The following NCOR2 variants were observed in gnomAD, a reference collection of about 807,000 sequenced individuals.
The protein encoded by NCOR2 is CTG repeat protein 26.
A neutral mutation model predicts 262.9 loss-of-function variants in NCOR2; 81 were observed. That is an observed-to-expected ratio of 0.31 (90% CI 0.26 to 0.37). The LOEUF is 0.37. NCOR2 is among the 10% of genes least tolerant of loss of function. NCOR2 has a pLI of 1.00. For synonymous variants in NCOR2, 1,659 were observed against 1,559.3 expected (o/e 1.06, Z -1.51); for missense variants, 3,385 against 3,621.4 (o/e 0.93, Z 1.68).
intron 2 of NCOR2, 189 bp downstream of exon 4, chr12:124,486,252 G>A (rs1166254445): frequency 8.7e-6 from 7 of 808,332 alleles, no homozygotes; most frequent in East Asian, 3.5e-5. Flanking sequence ...TGAGGGCCAC[G>A]TGGCTCTTCC....
intron 7 of NCOR2, among the ~76,000 whole-genome samples, chr12:124,442,630 C>T (rs963923612): frequency 6.6e-6 from 1 of 152,164 alleles, no homozygotes; most frequent in East Asian, 1.9e-4. Context: ...TTTGAAACAC[C>T]GTGGTGAAGA....
At chr12:124,407,002 C>CA (rs145370302) in intron 13 of NCOR2, among the ~76,000 whole-genome samples, 112 of 152,356 alleles carry the variant, frequency 7.4e-4, no homozygotes, top group African/African-American at 2.4e-3. Flanking sequence ...GATGAGAATG[C>CA]AAAGACAGAG....
At chr12:124,408,501 C>T (rs1285980504) in intron 13 of NCOR2, among the ~76,000 whole-genome samples, 1 of 152,144 alleles carries the variant, frequency 6.6e-6, no homozygotes, top group Non-Finnish European at 1.5e-5. Context: ...AATCTCAGTG[C>T]TTTGGGAGGG....
chr12:124,384,865 G>A (rs890528320), intron 17 of NCOR2, among the ~76,000 whole-genome samples: 2 of 152,112 alleles, frequency 1.3e-5, no homozygotes, highest in Non-Finnish European at 2.9e-5. Context: ...CTCCCTCAGT[G>A]CTTCTGTATC....
chr12:124,384,277 G>C (rs566165905), intron 17 of NCOR2, among the ~76,000 whole-genome samples: 2 of 152,342 alleles, frequency 1.3e-5, no homozygotes, highest in South Asian at 4.1e-4. Context: ...AGGGACTTCA[G>C]CAAGTGTTAG....
At chr12:124,441,347 A>G (rs2044791643) in intron 7 of NCOR2, among the ~76,000 whole-genome samples, 1 of 152,246 alleles carries the variant, frequency 6.6e-6, no homozygotes, top group Admixed American at 6.5e-5. Context: ...GAGTGACAAC[A>G]GAAATAACCC....
chr12:124,488,338 C>G (rs1162401488), intron 1 of NCOR2, among the ~76,000 whole-genome samples: 1 of 152,130 alleles, frequency 6.6e-6, no homozygotes, highest in Admixed American at 6.5e-5. Flanking sequence ...CTGGACAGTC[C>G]GATGTAGATA....
intron 21 of NCOR2, among the ~76,000 whole-genome samples, 169 bp from the exon 24 acceptor site, chr12:124,362,466 G>T (rs557460368): frequency 6.6e-6 from 1 of 152,360 alleles, no homozygotes; most frequent in African/African-American, 2.4e-5. Context: ...GAGCACATGG[G>T]GAAGCCCACC....
At chr12:124,528,105 G>A (rs1421594019) in intron 1 of NCOR2, among the ~76,000 whole-genome samples, 2 of 152,068 alleles carry the variant, frequency 1.3e-5, no homozygotes, top group Non-Finnish European at 2.9e-5. Flanking sequence ...CAGGCAGACT[G>A]GGTAAATAAC....
chr12:124,333,023 C>T (rs1487007955), intron 42 of NCOR2, 107 bp downstream of exon 44: 3 of 1,428,626 alleles, frequency 2.1e-6, no homozygotes, highest in Non-Finnish European at 2.8e-6. Flanking sequence ...CCCAGCTGAG[C>T]CCTGTGCCCT....
intron 16 of NCOR2, 119 bp downstream of exon 18, chr12:124,398,000 A>G: frequency 8.6e-7 from 1 of 1,156,818 alleles, no homozygotes; most frequent in South Asian, 1.3e-5. Flanking sequence ...GAACCTCACC[A>G]GAGGCCTCAC....
chr12:124,334,569 C>T lies in NCOR2; in HGVS notation c.6460G>A (p.Ala2154Thr), dbSNP rs368425851. The T allele has an allele frequency of 1.1e-5, 16 of 1,412,940 alleles. 1 individual carries two copies. The highest frequency in any genetic ancestry group is 6.4e-5 in the South Asian group (4 of 62,358). 87.5% of individuals were successfully genotyped at this position (1,412,940 alleles called of 1,614,324 possible). The change falls in exon 41 of 47, where the codon GCA becomes ACA. Residue 2154 changes from alanine to threonine, a missense_variant. This residue lies in a region of NCOR2 where 1,017 missense variants were observed against 967.2 expected (regional missense o/e 1.05). Coordinates refer to ENST00000405201, the Ensembl canonical transcript of NCOR2. ...GAGTAGAGGGGGGCGGGCAGGGGTGCGCTGAGCTGCTGTGGGTGGTGCCGG... is the reference window on the plus strand; with the variant it reads ...GAGTAGAGGGGGGCGGGCAGGGGTGTGCTGAGCTGCTGTGGGTGGTGCCGG...
At chr12:124,462,798 A>C in intron 5 of NCOR2, among the ~76,000 whole-genome samples, 1 of 152,248 alleles carries the variant, frequency 6.6e-6, no homozygotes, top group East Asian at 1.9e-4. Context: ...TAATGGTATT[A>C]TTCTTCTTTG....
At chr12:124,400,812 G>C in intron 14 of NCOR2, 139 bp from the exon 17 acceptor site, 1 of 1,102,596 alleles carries the variant, frequency 9.1e-7, no homozygotes, top group Non-Finnish European at 1.3e-6. Flanking sequence ...AAGAGGGGGA[G>C]AGGCCTGAGG....
Position 124,339,879 on chromosome 12 carries a change from A to G in NCOR2, c.5687+127T>C, listed in dbSNP as rs571327177. The G allele has an allele frequency of 7.4e-6, 8 of 1,083,540 alleles. No individual in the cohort carries two copies. The East Asian group carries it at 2.0e-4, about 27-fold the overall frequency. The allele number at this position is 1,083,540 out of a possible 1,614,324, so 67.1% of individuals were successfully genotyped here. On this transcript the variant is annotated intron_variant, in intron 37 of 46. Transcript: ENST00000405201. ...CTACTCACACATAGTCTATTCTTCT[A>G]CCCCCACACATCTGCCCACCCACCC...
At chr12:124,425,589 C>T (rs1194275407) in intron 11 of NCOR2, among the ~76,000 whole-genome samples, 1 of 152,142 alleles carries the variant, frequency 6.6e-6, no homozygotes, top group East Asian at 1.9e-4. Context: ...GGCCCACGAT[C>T]TCCTCTGGGG....
chr12:124,352,192 G>A (rs12580504), intron 27 of NCOR2, among the ~76,000 whole-genome samples: 4,268 of 152,270 alleles, frequency 0.028, 144 homozygotes, highest in East Asian at 0.12. Flanking sequence ...CAGGATTCCT[G>A]CAGCATCCTG....
At chr12:124,388,785 GC>G (rs1488043313) in intron 16 of NCOR2, 2 of 1,303,024 alleles carry the variant, frequency 1.5e-6, no homozygotes, top group African/African-American at 1.5e-5. Context: ...AGGCTGGGCG[GC>G]CGCGGTCGGC....
intron 21 of NCOR2, among the ~76,000 whole-genome samples, chr12:124,363,049 T>A (rs2038740981): frequency 6.6e-6 from 1 of 152,286 alleles, no homozygotes; most frequent in African/African-American, 2.4e-5. Context: ...CTCCAGCTCC[T>A]TCTGTGGACC....
Sources: allele counts gnomAD v4.1 joint callset (sites outside exome capture counted in the v4.1 genomes callset), GRCh38; gene constraint gnomAD v4.1.1; regional missense constraint gnomAD v4.1.1; transcripts MANE v1.5; gene names NCBI Gene and HGNC (gene_info 2026-07-23, HGNC 2026-07-21).